ROBO2: variants seen among roughly 807,000 people sequenced by gnomAD.
ROBO2 encodes roundabout guidance receptor 2.
Under a neutral mutation model 160.8 loss-of-function variants are expected in ROBO2, and 53 were observed. The observed-to-expected ratio is 0.33, with a 90% CI of 0.26 to 0.41. ROBO2 has a LOEUF of 0.41. Among genes scored for constraint, ROBO2 ranks in the 10% least tolerant of loss-of-function variants. ROBO2 has a pLI of 1.00. For synonymous variants in ROBO2, 664 were observed against 611.7 expected (o/e 1.09, Z -1.26); for missense variants, 1,577 against 1,722.4 (o/e 0.92, Z 1.49).
intron 2 of ROBO2, among the ~76,000 whole-genome samples, chr3:76,445,558 A>T (rs972737825): frequency 6.6e-6 from 1 of 152,154 alleles, no homozygotes; most frequent in African/African-American, 2.4e-5. Flanking sequence ...CTTCATCCTG[A>T]TACCAAAGCC....
chr3:77,165,473 C>T (rs1344669026), intron 2 of ROBO2, among the ~76,000 whole-genome samples: 3 of 148,846 alleles, frequency 2.0e-5, no homozygotes, highest in Admixed American at 6.7e-5. Flanking sequence ...CCTTTGTTCA[C>T]TTGTTTATCT....
chr3:77,251,117 G>GC (rs1216195354), intron 2 of ROBO2, among the ~76,000 whole-genome samples: 1 of 152,072 alleles, frequency 6.6e-6, no homozygotes, highest in Non-Finnish European at 1.5e-5. Flanking sequence ...CCTTAGTAGG[G>GC]AATCTCTGTG....
chr3:76,750,547 C>A, intron 2 of ROBO2, among the ~76,000 whole-genome samples: 1 of 152,012 alleles, frequency 6.6e-6, no homozygotes, highest in Non-Finnish European at 1.5e-5. Context: ...TTTAGAAAAC[C>A]CCATCATCTC....
At chr3:76,419,444 T>C (rs1377080294) in intron 2 of ROBO2, among the ~76,000 whole-genome samples, 1 of 152,122 alleles carries the variant, frequency 6.6e-6, no homozygotes, top group Non-Finnish European at 1.5e-5. Flanking sequence ...AAACATCTTT[T>C]TTTTTTTTAA....
chr3:77,535,067 A>G (rs1259752106), intron 6 of ROBO2, among the ~76,000 whole-genome samples: 1 of 152,228 alleles, frequency 6.6e-6, no homozygotes, highest in Non-Finnish European at 1.5e-5. Context: ...AGAAGGCACT[A>G]ATGAGCTAGG....
chr3:75,942,587 A>G (rs1407841852), intron 2 of ROBO2, among the ~76,000 whole-genome samples: 2 of 152,130 alleles, frequency 1.3e-5, no homozygotes, highest in Non-Finnish European at 2.9e-5. Flanking sequence ...TTATAAATGC[A>G]AATATTCAAC....
chr3:76,236,181 TTATA>T (rs1007347619), intron 2 of ROBO2, among the ~76,000 whole-genome samples: 2 of 152,082 alleles, frequency 1.3e-5, no homozygotes, highest in African/African-American at 4.8e-5. Flanking sequence ...AATTTTCTAT[TTATA>T]TAATATCAAT....
In ROBO2 at chr3:77,595,195, G is replaced by A. The variant is rs2094273301; in HGVS notation, c.2726+11G>A. 6.2e-7 allele frequency: 1 copy of A among 1,600,170 alleles called. No individual in the cohort carries two copies. The highest frequency in any genetic ancestry group is 1.3e-5 in the African/African-American group (1 of 74,592). On this transcript the variant is annotated intron_variant, in intron 18 of 25. Coordinates refer to ENST00000461745, the Ensembl canonical transcript of ROBO2. Reference sequence around the variant, plus strand: ...AATGAGCAATGGAAGGTATGCTACGGAGATTGTTTCATTATTATTTTTATT... The same window carrying A: ...AATGAGCAATGGAAGGTATGCTACGAAGATTGTTTCATTATTATTTTTATT...
chr3:76,008,251 A>G (rs1201630170), intron 2 of ROBO2, among the ~76,000 whole-genome samples: 5 of 150,980 alleles, frequency 3.3e-5, no homozygotes, highest in Non-Finnish European at 7.4e-5. Flanking sequence ...AAAAAAAAAA[A>G]AAAGAAAAGA....
intron 5 of ROBO2, among the ~76,000 whole-genome samples, chr3:77,512,418 A>C (rs1026596400): frequency 3.3e-5 from 5 of 152,002 alleles, no homozygotes; most frequent in African/African-American, 1.2e-4. Flanking sequence ...TATTTCATAG[A>C]AGCGTGCCTT....
At chr3:77,250,524 A>C (rs2090214540) in intron 2 of ROBO2, among the ~76,000 whole-genome samples, 1 of 152,168 alleles carries the variant, frequency 6.6e-6, no homozygotes. Context: ...ACTGAGTTGT[A>C]CACATAAAAT....
At chr3:76,575,383 G>A (rs1167936554) in intron 2 of ROBO2, among the ~76,000 whole-genome samples, 1 of 151,840 alleles carries the variant, frequency 6.6e-6, no homozygotes, top group African/African-American at 2.4e-5. Context: ...TTTTATCAGA[G>A]CCCAAAATTA....
intron 2 of ROBO2, among the ~76,000 whole-genome samples, chr3:76,184,072 T>C (rs143056412): frequency 5.4e-4 from 83 of 152,306 alleles, no homozygotes; most frequent in African/African-American, 1.6e-3. Context: ...CTGTCCACGA[T>C]TGCTATGTAA....
chr3:77,347,047 G>C (rs1463120320), intron 2 of ROBO2, among the ~76,000 whole-genome samples: 1 of 152,046 alleles, frequency 6.6e-6, no homozygotes, highest in African/African-American at 2.4e-5. Context: ...ATCTCCCAGC[G>C]ATATCTTTGG....
chr3:76,501,714 A>G (rs1462317337), intron 2 of ROBO2, among the ~76,000 whole-genome samples: 1 of 152,168 alleles, frequency 6.6e-6, no homozygotes. Context: ...TACTTAATGA[A>G]ACAGATTTAA....
At chr3:76,785,771 G>A (rs2062935038) in intron 2 of ROBO2, among the ~76,000 whole-genome samples, 1 of 151,218 alleles carries the variant, frequency 6.6e-6, no homozygotes. Context: ...AACTAAGTCA[G>A]CCCTATTTAC....
At chr3:77,455,806 A>T (rs2153566453) in intron 2 of ROBO2, among the ~76,000 whole-genome samples, 1 of 152,160 alleles carries the variant, frequency 6.6e-6, no homozygotes, top group East Asian at 1.9e-4. Flanking sequence ...AATAAATATC[A>T]AATGCCATCA....
chr3:76,456,449 T>A (rs2077759139), intron 2 of ROBO2, among the ~76,000 whole-genome samples: 1 of 152,158 alleles, frequency 6.6e-6, no homozygotes, highest in Non-Finnish European at 1.5e-5. Context: ...AATTAACAAA[T>A]TGAGGGAACA....
At chr3:77,279,689 TA>T (rs963888958) in intron 2 of ROBO2, among the ~76,000 whole-genome samples, 5 of 152,048 alleles carry the variant, frequency 3.3e-5, no homozygotes, top group African/African-American at 1.2e-4. Flanking sequence ...TTTTAATTAT[TA>T]AAGACACAAT....
Sources: allele counts gnomAD v4.1 joint callset (sites outside exome capture counted in the v4.1 genomes callset), GRCh38; gene constraint gnomAD v4.1.1; transcripts MANE v1.5; gene names NCBI Gene and HGNC (gene_info 2026-07-23, HGNC 2026-07-21).